The following NOS1AP variants were observed in gnomAD, a reference collection of about 807,000 sequenced individuals.
NOS1AP encodes carboxyl-terminal PDZ ligand of neuronal nitric oxide synthase protein.
A neutral mutation model predicts 56.2 loss-of-function variants in NOS1AP; 21 were observed. The observed-to-expected ratio is 0.37, with a 90% CI of 0.26 to 0.54. The LOEUF (loss-of-function observed/expected upper bound fraction) is 0.54. Among genes scored for constraint, NOS1AP ranks in the 20% least tolerant of loss-of-function variants. The pLI is 0.84. For synonymous variants in NOS1AP, 270 were observed against 274.6 expected (o/e 0.98, Z 0.17); for missense variants, 522 against 657.8 (o/e 0.79, Z 2.26).
intron 2 of NOS1AP, among the ~76,000 whole-genome samples, chr1:162,225,827 T>C (rs992660506): frequency 2.6e-5 from 4 of 152,206 alleles, no homozygotes; most frequent in Admixed American, 6.5e-5. Context: ...GTCATTAGGA[T>C]AGAATAGGCC....
chr1:162,363,655 T>C, intron 8 of NOS1AP: 1 of 398,108 alleles, frequency 2.5e-6, no homozygotes, highest in Non-Finnish European at 3.4e-6. Context: ...CCCCAACCAC[T>C]AATCATCTAA....
intron 1 of NOS1AP, among the ~76,000 whole-genome samples, chr1:162,127,282 C>CT (rs1488452976): frequency 2.0e-5 from 3 of 151,982 alleles, no homozygotes; most frequent in African/African-American, 4.8e-5. Flanking sequence ...TGTTTGAAAA[C>CT]TTTTTAAGTT....
chr1:162,283,656 G>A (rs1655004158), intron 2 of NOS1AP, among the ~76,000 whole-genome samples: 1 of 152,120 alleles, frequency 6.6e-6, no homozygotes, highest in Non-Finnish European at 1.5e-5. Context: ...GGCACATTAA[G>A]TTCCAAGGCC....
intron 2 of NOS1AP, among the ~76,000 whole-genome samples, chr1:162,235,627 C>G (rs1032292657): frequency 1.3e-5 from 2 of 152,188 alleles, no homozygotes; most frequent in African/African-American, 4.8e-5. Context: ...GATGCAGTCA[C>G]TACTCTGCTT....
At chr1:162,352,219 C>G (rs936210914) in intron 6 of NOS1AP, among the ~76,000 whole-genome samples, 2 of 152,110 alleles carry the variant, frequency 1.3e-5, no homozygotes, top group Non-Finnish European at 2.9e-5. Flanking sequence ...ACCACCATGC[C>G]CAGCTAATTT....
chr1:162,325,617 G>C (rs951735080), intron 4 of NOS1AP, among the ~76,000 whole-genome samples: 5 of 152,066 alleles, frequency 3.3e-5, no homozygotes, highest in African/African-American at 9.7e-5. Context: ...GATTTCCCAG[G>C]ACCATGCCTT....
intron 2 of NOS1AP, among the ~76,000 whole-genome samples, chr1:162,270,784 T>C (rs1344291459): frequency 6.6e-6 from 1 of 152,240 alleles, no homozygotes; most frequent in African/African-American, 2.4e-5. Flanking sequence ...TGTCAAAATA[T>C]CACATGGAAC....
intron 8 of NOS1AP, chr1:162,360,531 A>G: frequency 7.1e-6 from 2 of 281,722 alleles, no homozygotes; most frequent in Non-Finnish European, 1.4e-5. Flanking sequence ...TTCCTGAGGA[A>G]AGTGTTAGTA....
At chr1:162,116,886 A>G (rs1647980753) in intron 1 of NOS1AP, among the ~76,000 whole-genome samples, 1 of 152,170 alleles carries the variant, frequency 6.6e-6, no homozygotes, top group Non-Finnish European at 1.5e-5. Flanking sequence ...TTTCTCTGCA[A>G]TATTCTTTGA....
intron 8 of NOS1AP, among the ~76,000 whole-genome samples, chr1:162,359,721 G>T (rs923178236): frequency 3.9e-5 from 4 of 102,250 alleles, no homozygotes; most frequent in African/African-American, 6.8e-5. Context: ...TCTCTACGCG[G>T]GGGGGGGCTG....
Position 162,367,680 on chromosome 1 carries a change from CCTA to C in NOS1AP, c.*216_*218del, listed in dbSNP as rs1433811892. On this transcript the variant is annotated 3_prime_UTR_variant, in exon 10 of 10. Transcript: ENST00000361897. The surrounding 1 kb of genome is among the most constrained non-coding windows in gnomAD (Gnocchi z 6.5). Reference sequence around the variant, plus strand: ...TTCCCAGAGGTGAATCAGCTCCTCTCCTACTTGTGACTAGAGGGTGGTGGAGGT... The same window carrying C: ...TTCCCAGAGGTGAATCAGCTCCTCTCCTTGTGACTAGAGGGTGGTGGAGGT... 2 of 602,932 alleles carry C rather than the reference CCTA, an allele frequency of 3.3e-6. No homozygotes were observed. Among genetic ancestry groups the C allele is most frequent in the Non-Finnish European group, 2.9e-6 (1 of 346,734 alleles). 37.3% of individuals were successfully genotyped at this position (602,932 alleles called of 1,614,324 possible).
chr1:162,170,173 T>C (rs1650696257), intron 2 of NOS1AP, among the ~76,000 whole-genome samples: 1 of 152,246 alleles, frequency 6.6e-6, no homozygotes, highest in African/African-American at 2.4e-5. Flanking sequence ...GACCTTGTGT[T>C]GGTCACATGT....
At chr1:162,078,271 A>G (rs372238203) in intron 1 of NOS1AP, among the ~76,000 whole-genome samples, 45 of 152,212 alleles carry the variant, frequency 3.0e-4, no homozygotes, top group African/African-American at 1.1e-3. Flanking sequence ...TGCTGTCCCT[A>G]TCACTCAACA....
intron 2 of NOS1AP, among the ~76,000 whole-genome samples, chr1:162,197,860 C>A (rs574981559): frequency 1.3e-5 from 2 of 152,244 alleles, no homozygotes; most frequent in African/African-American, 4.8e-5. Flanking sequence ...CTTGGCCCTG[C>A]CGCACTATCC....
intron 1 of NOS1AP, among the ~76,000 whole-genome samples, chr1:162,142,299 T>C (rs1443864429): frequency 6.6e-6 from 1 of 152,196 alleles, no homozygotes; most frequent in Admixed American, 6.5e-5. Context: ...TCGTTCCTGA[T>C]CTTAAAGGAA....
intron 2 of NOS1AP, among the ~76,000 whole-genome samples, chr1:162,178,443 G>A (rs753041949): frequency 6.6e-6 from 1 of 152,176 alleles, no homozygotes; most frequent in South Asian, 2.1e-4. Context: ...TATGTTTACT[G>A]AGTATGTGCC....
chr1:162,311,505 A>G (rs2661812), intron 4 of NOS1AP, among the ~76,000 whole-genome samples: 85,376 of 151,814 alleles, frequency 0.56, 24,150 homozygotes, highest in East Asian at 0.6. Context: ...GGTGGCTCCA[A>G]GTTATATGTA....
chr1:162,108,160 G>C (rs6684732), intron 1 of NOS1AP, among the ~76,000 whole-genome samples: 17,637 of 152,094 alleles, frequency 0.12, 2,274 homozygotes, highest in African/African-American at 0.32. Flanking sequence ...AATAACCAGG[G>C]CTCTTTGAAA....
intron 2 of NOS1AP, among the ~76,000 whole-genome samples, chr1:162,223,253 C>T (rs1488073542): frequency 6.6e-6 from 1 of 152,082 alleles, no homozygotes; most frequent in Non-Finnish European, 1.5e-5. Context: ...TATAGACCTC[C>T]CTCCCTCCCC....
Sources: gnomAD v4.1 joint callset for allele counts (sites outside exome capture counted in the v4.1 genomes callset) on GRCh38, gnomAD v4.1.1 for gene constraint, Gnocchi (gnomAD v3.1) non-coding constraint, MANE v1.5 for transcripts, NCBI Gene and HGNC (gene_info 2026-07-23, HGNC 2026-07-21) for gene names.